STAT6: variants seen among roughly 807,000 people sequenced by gnomAD.
The protein encoded by STAT6 is signal transducer and activator of transcription 6, also known as STAT, interleukin4-induced.
STAT6 carries 45 observed loss-of-function variants against 106.3 expected under a neutral mutation model. That is an observed-to-expected ratio of 0.42 (90% confidence interval 0.33 to 0.54). The LOEUF is 0.54. Ranked by LOEUF, STAT6 falls within the 20% of genes least tolerant of loss-of-function variation. The pLI is 0.06. For missense variants in STAT6, 797 were observed against 1,062.2 expected, an observed-to-expected ratio of 0.75 and a Z score of 3.47; for synonymous variants, 413 against 413.6, an observed-to-expected ratio of 1.00 and a Z score of 0.02.
rs545916519 is a variant in STAT6, at chr12:57,107,722, G to A, written c.138C>T (p.Asp46=). 69 of 1,614,134 alleles carry A rather than the reference G, an allele frequency of 4.3e-5. No individual in the cohort carries two copies. Among genetic ancestry groups the A allele is most frequent in the South Asian group, 3.4e-4 (31 of 91,086 alleles). ...CACTAGCCAAGTTGCAGCAGAAGGCGTCGGAGCCGACCAGGAACTCCCTGC... is the reference window on the plus strand; with the variant it reads ...CACTAGCCAAGTTGCAGCAGAAGGCATCGGAGCCGACCAGGAACTCCCTGC... ...SQPWEFLVGS[D]AFCCNLASAL... is the part of the protein sequence containing the mutation. The change falls in exon 3 of 22, where the codon GAC becomes GAT. Residue 46 remains aspartate (D), a synonymous_variant. Coordinates refer to ENST00000300134, the MANE Select transcript of STAT6 (RefSeq NM_003153.5).
rs1362549936 is a variant in STAT6 at position 57,107,518 on chromosome 12, A to AT, written c.255+86dup. On this transcript the variant is annotated intron_variant, in intron 3 of 21. Coordinates refer to ENST00000300134, the MANE Select transcript of STAT6 (RefSeq NM_003153.5). ...ACAGGAACACCAATTTGCTTCCAGCATCCAACCAATTTTCTTCCAGGGCCC... is the reference window on the plus strand; with the variant it reads ...ACAGGAACACCAATTTGCTTCCAGCATTCCAACCAATTTTCTTCCAGGGCCC... The AT allele has an allele frequency of 5.9e-6, 9 of 1,522,352 alleles. No individual in the cohort carries two copies. In the African/African-American group the frequency reaches 1.2e-4, roughly 21 times the overall value. 94.3% of individuals were successfully genotyped at this position (1,522,352 alleles called of 1,614,324 possible). A position where few individuals can be genotyped will look rare whatever the true frequency, so the allele number is the denominator to read the frequency against.
intron 12 of STAT6, 39 bp downstream of exon 12, chr12:57,102,790 C>T: frequency 1.9e-6 from 3 of 1,555,868 alleles, no homozygotes; most frequent in South Asian, 1.1e-5. Flanking sequence ...TTAGAACCCA[C>T]CCTGCCCCTG....
chr12:57,106,195 C>T lies in STAT6; in HGVS notation c.676G>A (p.Glu226Lys), dbSNP rs1049862305. The T allele has an allele frequency of 2.5e-6, 4 of 1,613,956 alleles. No homozygotes were observed. The highest frequency in any genetic ancestry group is 2.5e-6 in the Non-Finnish European group (3 of 1,180,018). The change falls in exon 7 of 22, where the codon GAG (glutamate) becomes AAG (lysine). Residue 226 changes from glutamate (E) to lysine (K), a missense_variant. Glu to Lys is a moderately conservative substitution (Grantham distance 56). Around this residue, in one of 4 missense-constraint regions of STAT6, gnomAD observed 336 missense variants for 429.8 expected, o/e 0.78. Transcript: ENST00000300134. ...CCCCATCAGCCCTAGCCCAACCTCTCCTGGAGTGGGGCCAGGCTCTCCTCA... is the reference window on the plus strand; with the variant it reads ...CCCCATCAGCCCTAGCCCAACCTCTTCTGGAGTGGGGCCAGGCTCTCCTCA... Reference protein sequence around the residue: ...PFEESLAPLQERCESLVDIYS... With the variant: ...PFEESLAPLQKRCESLVDIYS...
rs1464503732 is a variant in STAT6 at position 57,096,675 on chromosome 12, C to T, written c.2441G>A (p.Gly814Glu). The change falls in exon 22 of 22, where the codon GGG (glycine) becomes GAG (glutamate). Residue 814 changes from glycine (G) to glutamate (E), a missense_variant. By Grantham distance (98) the Gly-to-Glu change is moderately conservative. Coordinates refer to ENST00000300134, the MANE Select transcript of STAT6 (RefSeq NM_003153.5). The part of the protein sequence containing the change: ...KLLLEGQGES[G>E]GGSLGAQPLL... ...GGGCTGTGCCCCCAAGGACCCTCCCCCCGACTCCCCTTGCCCCTCCAGGAG... is the reference window on the plus strand; with the variant it reads ...GGGCTGTGCCCCCAAGGACCCTCCCTCCGACTCCCCTTGCCCCTCCAGGAG... The T allele has an allele frequency of 3.7e-6, 6 of 1,606,238 alleles. No individual in the cohort carries two copies. In the South Asian group the frequency reaches 5.5e-5, roughly 15 times the overall value.
intron 1 of STAT6, among the ~76,000 whole-genome samples, chr12:57,109,307 C>CTG (rs2034458263): frequency 6.6e-6 from 1 of 152,192 alleles, no homozygotes; most frequent in Non-Finnish European, 1.5e-5. Flanking sequence ...TAAGCACTTA[C>CTG]TGTGTATGAG....
intron 6 of STAT6, 62 bp downstream of exon 6, chr12:57,106,466 C>T (rs1162146111): frequency 6.2e-7 from 1 of 1,610,094 alleles, no homozygotes. Context: ...TTTCTGAGGT[C>T]TAGCTTCCAT....
chr12:57,109,981 C>T (rs2136625008), intron 1 of STAT6: 1 of 152,420 alleles, frequency 6.6e-6, no homozygotes. Flanking sequence ...TGGAGAGGTC[C>T]CTTCTCTGGA....
chr12:57,096,742 G>A lies in STAT6; in HGVS notation c.2374C>T (p.Pro792Ser). The A allele has an allele frequency of 1.9e-6, 3 of 1,613,316 alleles. No homozygotes were observed. The highest frequency in any genetic ancestry group is 2.5e-6 in the Non-Finnish European group (3 of 1,179,662). ...QGTWIGEDIFPPLLPPTEQDL... is the reference protein window; with the variant it reads ...QGTWIGEDIFSPLLPPTEQDL... Reference sequence around the variant, plus strand: ...TGTTCAGTGGGAGGCAGCAGAGGAGGGAATATGTCTTCACCAATCCTGCAA... The same window carrying A: ...TGTTCAGTGGGAGGCAGCAGAGGAGAGAATATGTCTTCACCAATCCTGCAA... The change falls in exon 22 of 22, where the codon CCT becomes TCT. Residue 792 changes from proline to serine, a missense_variant. Physicochemically the swap from Pro to Ser is moderately conservative, Grantham distance 74. This residue lies in a region of STAT6 where 226 missense variants were observed against 236.7 expected (regional missense o/e 0.95). Transcript: ENST00000300134.
At chr12:57,107,433 A>T (rs2034342923) in intron 3 of STAT6, 119 bp from the exon 4 acceptor site, 3 of 1,309,222 alleles carry the variant, frequency 2.3e-6, no homozygotes, top group Non-Finnish European at 3.2e-6. Context: ...TAGACTCCAG[A>T]AGTTTTTGTG....
In STAT6 at chr12:57,104,638, C is replaced by T. The variant is rs750614083; in HGVS notation, c.1090-52G>A. ...GGCGAGGTCATGAGGACAGAGACCG[C>T]TCCTCCTGGGCTTCCTGACATCCTC... is the stretch of plus-strand genomic sequence containing the variant. On this transcript the variant is annotated intron_variant, in intron 10 of 21. Coordinates refer to ENST00000300134, the MANE Select transcript of STAT6 (RefSeq NM_003153.5). The T allele has an allele frequency of 1.9e-6, 3 of 1,612,656 alleles. 1 individual carries two copies. The highest frequency in any genetic ancestry group is 2.2e-5 in the East Asian group (1 of 44,856).
In STAT6 at chr12:57,097,051, G is replaced by T. The variant is rs768141116; in HGVS notation, c.2225+17C>A. On this transcript the variant is annotated intron_variant, in intron 20 of 21. Coordinates refer to ENST00000300134, the MANE Select transcript of STAT6 (RefSeq NM_003153.5). The stretch of plus-strand genomic sequence containing the variant: ...AAAGAAGAGGCACATGGGGTCAGGA[G>T]GGGCTTTGTCACTCACTGGGGGTGA... 6.4e-7 allele frequency: 1 copy of T among 1,573,630 alleles called. No homozygotes were observed. The highest frequency in any genetic ancestry group is 8.6e-7 in the Non-Finnish European group (1 of 1,157,714).
Position 57,107,671 on chromosome 12 carries a change from G to T in STAT6, c.189C>A (p.His63Gln), listed in dbSNP as rs777452521. ...CCTGCTCTCCCACCGAGGCCTGAAG[G>T]TGCTGGACAGTGTCTGAAAGTAGGG... ...ASALLSDTVQ[H>Q]LQASVGEQGE... Residue 63 changes from histidine to glutamine, a missense_variant, in exon 3 of 22, where the codon CAC (histidine) becomes CAA (glutamine). His to Gln is a conservative substitution (Grantham distance 24, BLOSUM62 0). Transcript: ENST00000300134. 3.1e-5 allele frequency: 50 copies of T among 1,613,996 alleles called. No individual in the cohort carries two copies. The highest frequency in any genetic ancestry group is 2.5e-5 in the Non-Finnish European group (29 of 1,180,030).
intron 19 of STAT6, 44 bp downstream of exon 19, chr12:57,098,461 C>A (rs1264502491): frequency 2.5e-6 from 4 of 1,582,500 alleles, no homozygotes; most frequent in Non-Finnish European, 2.6e-6. Flanking sequence ...CAAATGCCCA[C>A]CCCCTTAGAG....
At position 57,108,237 on chromosome 12, in the gene STAT6, T is replaced by A; in HGVS notation, c.42A>T (p.Lys14Asn). The stretch of plus-strand genomic sequence containing the variant: ...GAAAGTCGACATAGAGCCGCTGCAC[T>A]TTTTCTGGGGGCATCTTGGAGACCA... ...WGLVSKMPPE[K>N]VQRLYVDFPQ... Residue 14 changes from lysine to asparagine, a missense_variant, in exon 2 of 22, where the codon AAA becomes AAT. Transcript: ENST00000300134. The A allele has an allele frequency of 6.2e-7, 1 of 1,612,862 alleles. No homozygotes were observed.
At chr12:57,098,947 C>T (rs1180329183) in intron 17 of STAT6, 45 bp from the exon 18 acceptor site, 6 of 1,609,000 alleles carry the variant, frequency 3.7e-6, no homozygotes, top group Non-Finnish European at 5.1e-6. Flanking sequence ...AGGGTTGATG[C>T]CACCCCTCCT....
In STAT6 at chr12:57,096,293, G is replaced by A. The variant is rs986424359; in HGVS notation, c.*279C>T. ...TATGTGTGTGTGCGTGCGTGTGCGC[G>A]CTGCAGGTGCAGGCATGTTGGGGTG... On this transcript the variant is annotated 3_prime_UTR_variant, in exon 22 of 22. Transcript: ENST00000300134. 11 of 433,728 alleles carry A rather than the reference G, an allele frequency of 2.5e-5. No individual in the cohort carries two copies. Among genetic ancestry groups the A allele is most frequent in the South Asian group, 1.3e-4 (4 of 30,154 alleles). 26.9% of individuals were successfully genotyped at this position (433,728 alleles called of 1,614,324 possible). A position where few individuals can be genotyped will look rare whatever the true frequency, so the allele number is the denominator to read the frequency against.
chr12:57,106,107 T>C (rs2034258084), intron 7 of STAT6, 84 bp downstream of exon 7: 1 of 1,582,504 alleles, frequency 6.3e-7, no homozygotes, highest in African/African-American at 1.3e-5. Flanking sequence ...CCGCCTGGCT[T>C]CTTTCTCTCA....
chr12:57,096,302 G>A lies in STAT6; in HGVS notation c.*270C>T, dbSNP rs1056383732. 3.7e-5 allele frequency: 17 copies of A among 461,134 alleles called. No individual in the cohort carries two copies. The highest frequency in any genetic ancestry group is 3.0e-4 in the African/African-American group (15 of 49,592). 28.6% of individuals were successfully genotyped at this position (461,134 alleles called of 1,614,324 possible). A position where few individuals can be genotyped will look rare whatever the true frequency, so the allele number is the denominator to read the frequency against. On this transcript the variant is annotated 3_prime_UTR_variant, in exon 22 of 22. Coordinates refer to ENST00000300134, the MANE Select transcript of STAT6 (RefSeq NM_003153.5). ...GTGCGTGCGTGTGCGCGCTGCAGGTGCAGGCATGTTGGGGTGTGTCTCAGA... is the reference window on the plus strand; with the variant it reads ...GTGCGTGCGTGTGCGCGCTGCAGGTACAGGCATGTTGGGGTGTGTCTCAGA...
chr12:57,105,741 G>C, intron 7 of STAT6, 142 bp from the exon 8 acceptor site: 1 of 1,328,042 alleles, frequency 7.5e-7, no homozygotes, highest in Non-Finnish European at 1.0e-6. Context: ...AGGCACCTGG[G>C]CTGAAGGGGG....
Sources: allele counts gnomAD v4.1 joint callset (sites outside exome capture counted in the v4.1 genomes callset), GRCh38; gene constraint gnomAD v4.1.1; regional missense constraint gnomAD v4.1.1; transcripts MANE v1.5; gene names NCBI Gene and HGNC (gene_info 2026-07-23, HGNC 2026-07-21).